Variants in TNR observed in about 807,000 individuals in gnomAD.
TNR encodes tenascin-R.
A neutral mutation model predicts 150.4 loss-of-function variants in TNR; 45 were observed. The observed-to-expected ratio is 0.30, with a 90% CI of 0.24 to 0.38. The LOEUF is 0.38. Ranked by LOEUF, TNR falls within the 10% of genes least tolerant of loss-of-function variation. TNR has a pLI of 1.00. For synonymous variants in TNR, 687 were observed against 678.4 expected (o/e 1.01, Z -0.20); for missense variants, 1,544 against 1,759.1 (o/e 0.88, Z 2.19).
chr1:175,570,068 A>G (rs6700514), intron 1 of TNR, among the ~76,000 whole-genome samples: 16,055 of 152,236 alleles, frequency 0.11, 872 homozygotes, highest in Middle Eastern at 0.14. Context: ...TTCAAGTTCT[A>G]TAAATAGGAG....
At chr1:175,533,564 T>C (rs1660153997) in intron 1 of TNR, among the ~76,000 whole-genome samples, 1 of 152,238 alleles carries the variant, frequency 6.6e-6, no homozygotes, top group Non-Finnish European at 1.5e-5. Flanking sequence ...AGTCAGGATG[T>C]GTGAGAGACG....
At chr1:175,474,726 T>C (rs997561361) in intron 2 of TNR, among the ~76,000 whole-genome samples, 2 of 152,170 alleles carry the variant, frequency 1.3e-5, no homozygotes, top group Non-Finnish European at 2.9e-5. Context: ...TTGCCGCTGG[T>C]AAGAGGGAAC....
At chr1:175,539,417 T>C (rs1660413659) in intron 1 of TNR, among the ~76,000 whole-genome samples, 1 of 152,176 alleles carries the variant, frequency 6.6e-6, no homozygotes, top group South Asian at 2.1e-4. Context: ...ACAAACTTCC[T>C]GGAAACCCAT....
chr1:175,372,118 A>G (rs2102019310), intron 9 of TNR, among the ~76,000 whole-genome samples: 1 of 151,870 alleles, frequency 6.6e-6, no homozygotes, highest in South Asian at 2.1e-4. Context: ...TCCCTCTCTC[A>G]TTGTGTGATG....
intron 2 of TNR, among the ~76,000 whole-genome samples, chr1:175,447,308 C>T (rs764366410): frequency 6.6e-6 from 1 of 152,164 alleles, no homozygotes; most frequent in East Asian, 1.9e-4. Context: ...CTCGGCCTTC[C>T]TCCTGCTTCT....
At chr1:175,583,709 C>T (rs891194705) in intron 1 of TNR, among the ~76,000 whole-genome samples, 1 of 152,188 alleles carries the variant, frequency 6.6e-6, no homozygotes, top group Admixed American at 6.5e-5. Context: ...TCCCCTCATT[C>T]CTGTAGCATT....
At chr1:175,629,470 C>T (rs4652098) in intron 1 of TNR, among the ~76,000 whole-genome samples, 1,807 of 152,166 alleles carry the variant, frequency 0.012, 61 homozygotes, top group Admixed American at 0.072. Flanking sequence ...CAGTGCGTGG[C>T]ATTGCTGAGA....
chr1:175,579,165 T>TTTCCTTCCTTCC (rs60083467), intron 1 of TNR, among the ~76,000 whole-genome samples: 10,337 of 134,356 alleles, frequency 0.077, 489 homozygotes, highest in Non-Finnish European at 0.084. Context: ...TCGTTCCTTC[T>TTTCCTTCCTTCC]TTCCTTCCTT....
chr1:175,648,017 T>C (rs1194798312), intron 1 of TNR, among the ~76,000 whole-genome samples: 12 of 151,956 alleles, frequency 7.9e-5, no homozygotes, highest in Admixed American at 2.6e-4. Flanking sequence ...ATTCCAGCCC[T>C]CTCTAAAGTT....
At chr1:175,619,500 C>G (rs1663893077) in intron 1 of TNR, among the ~76,000 whole-genome samples, 1 of 152,174 alleles carries the variant, frequency 6.6e-6, no homozygotes, top group Admixed American at 6.5e-5. Flanking sequence ...GCTAAGCAGG[C>G]TCATTAGTCT....
intron 1 of TNR, among the ~76,000 whole-genome samples, chr1:175,537,530 G>T (rs1198164338): frequency 1.3e-5 from 2 of 152,164 alleles, no homozygotes; most frequent in Admixed American, 1.3e-4. Flanking sequence ...TGACTTGAGG[G>T]ACTGACCTGA....
Position 175,354,426 on chromosome 1 carries a change from G to T in TNR, c.3347C>A (p.Thr1116Lys), listed in dbSNP as rs148101484. The change falls in exon 18 of 23, where the codon ACG becomes AAG. Residue 1116 changes from threonine to lysine, a missense_variant. By Grantham distance (78) the Thr-to-Lys change is moderately conservative (BLOSUM62 -1). This residue lies in a region of TNR where 290 missense variants were observed against 429.7 expected (regional missense o/e 0.67). Coordinates refer to ENST00000367674, the MANE Select transcript of TNR (RefSeq NM_003285.3). ...TVLLQAAQDT[T>K]WSSITSTAFT... The stretch of plus-strand genomic sequence containing the variant: ...AGCGGTGGAGGTGATGCTGCTCCAC[G>T]TGGTGTCCTGTGCTGCCTGCAGGAG... 3.1e-6 allele frequency: 5 copies of T among 1,614,100 alleles called. No individual in the cohort carries two copies. In the South Asian group the frequency reaches 3.3e-5, roughly 11 times the overall value.
chr1:175,484,653 C>A (rs1405233914), intron 2 of TNR, among the ~76,000 whole-genome samples: 2 of 152,076 alleles, frequency 1.3e-5, no homozygotes, highest in African/African-American at 4.8e-5. Context: ...CTTTTTGCTC[C>A]TGGCGTTTGG....
At chr1:175,345,638 A>G (rs944495509) in intron 18 of TNR, among the ~76,000 whole-genome samples, 1 of 152,182 alleles carries the variant, frequency 6.6e-6, no homozygotes, top group Non-Finnish European at 1.5e-5. Flanking sequence ...CTCTTTGAGA[A>G]CATAAAAAGT....
At chr1:175,436,084 T>A (rs1655496044) in intron 2 of TNR, among the ~76,000 whole-genome samples, 1 of 152,186 alleles carries the variant, frequency 6.6e-6, no homozygotes. Context: ...TTTCCTTCAT[T>A]TCAACTTTGG....
At chr1:175,660,740 T>A (rs1665341997) in intron 1 of TNR, among the ~76,000 whole-genome samples, 1 of 152,012 alleles carries the variant, frequency 6.6e-6, no homozygotes, top group Non-Finnish European at 1.5e-5. Flanking sequence ...TACTGTTGGA[T>A]TATAGGAGAG....
At chr1:175,619,236 T>C (rs1288371966) in intron 1 of TNR, among the ~76,000 whole-genome samples, 4 of 152,126 alleles carry the variant, frequency 2.6e-5, no homozygotes, top group Non-Finnish European at 5.9e-5. Context: ...TGGGCAACCA[T>C]GAGAGCAATG....
intron 9 of TNR, among the ~76,000 whole-genome samples, chr1:175,372,238 T>A (rs1476510486): frequency 2.0e-5 from 3 of 152,226 alleles, no homozygotes; most frequent in Non-Finnish European, 4.4e-5. Context: ...TGTAAGCCAG[T>A]CAAACCTCCT....
chr1:175,613,652 T>C (rs1359047), intron 1 of TNR, among the ~76,000 whole-genome samples: 25,096 of 152,032 alleles, frequency 0.17, 3,601 homozygotes, highest in African/African-American at 0.39. Context: ...TACCATCTAC[T>C]GAACAGATGG....
Sources: allele counts gnomAD v4.1 joint callset (sites outside exome capture counted in the v4.1 genomes callset), GRCh38; gene constraint gnomAD v4.1.1; regional missense constraint gnomAD v4.1.1; transcripts MANE v1.5; gene names NCBI Gene and HGNC (gene_info 2026-07-23, HGNC 2026-07-21).